The following EXOC5 variants were observed in gnomAD, a reference collection of about 807,000 sequenced individuals.
EXOC5 encodes the protein SEC10-like 1.
EXOC5 carries 17 observed loss-of-function variants against 90.8 expected under a neutral mutation model. The observed-to-expected ratio is 0.19, with a 90% CI of 0.13 to 0.28. EXOC5 has a LOEUF of 0.28. EXOC5 is among the 10% of genes least tolerant of loss of function. EXOC5 has a pLI of 1.00. For synonymous variants in EXOC5, 260 were observed against 270.0 expected, an observed-to-expected ratio of 0.96 and a Z score of 0.36; for missense variants, 569 against 830.6, an observed-to-expected ratio of 0.69 and a Z score of 3.87.
At chr14:57,233,648 A>G (rs1193340223) in intron 9 of EXOC5, 95 bp downstream of exon 9, 3 of 746,036 alleles carry the variant, frequency 4.0e-6, no homozygotes, top group Non-Finnish European at 4.3e-6. Context: ...AGGTCATTAC[A>G]TAAGTAAACT....
At chr14:57,240,782 T>C (rs536610497) in intron 4 of EXOC5, among the ~76,000 whole-genome samples, 1 of 152,342 alleles carries the variant, frequency 6.6e-6, no homozygotes, top group South Asian at 2.1e-4. Context: ...ATTCATTTTC[T>C]TTTACATTTG....
chr14:57,242,679 T>C (rs1343708491), intron 4 of EXOC5, among the ~76,000 whole-genome samples: 1 of 152,232 alleles, frequency 6.6e-6, no homozygotes, highest in East Asian at 1.9e-4. Context: ...TGGGTGCTTT[T>C]TCCTTTTCTT....
chr14:57,241,131 G>A lies in EXOC5; in HGVS notation c.466-1472C>T, dbSNP rs1317156549. ...GGCTTTCCAAAGTGCTGGGATTACA[G>A]GCTTGAGACACCACGCCCTGCCCAA... is the stretch of plus-strand genomic sequence containing the variant. On this transcript the variant is annotated intron_variant, in intron 4 of 17. Transcript: ENST00000621441. Among the ~76,000 whole-genome samples the A allele has an allele frequency of 2.0e-5, 3 of 152,180 alleles. No individual in the cohort carries two copies. In the East Asian group the frequency reaches 5.8e-4, roughly 29 times the overall value.
At chr14:57,249,478 T>C (rs1031325798) in intron 1 of EXOC5, among the ~76,000 whole-genome samples, 3 of 152,172 alleles carry the variant, frequency 2.0e-5, no homozygotes, top group Non-Finnish European at 2.9e-5. Flanking sequence ...ATAGCAGGTA[T>C]TTACTGACAA....
At chr14:57,228,333 C>T (rs747813516) in intron 12 of EXOC5, among the ~76,000 whole-genome samples, 7 of 152,058 alleles carry the variant, frequency 4.6e-5, no homozygotes, top group Non-Finnish European at 8.8e-5. Flanking sequence ...TACCATTTGA[C>T]CCAGCAATCT....
At chr14:57,216,144 T>C (rs947818995) in intron 15 of EXOC5, among the ~76,000 whole-genome samples, 6 of 152,052 alleles carry the variant, frequency 3.9e-5, no homozygotes, top group Non-Finnish European at 5.9e-5. Flanking sequence ...CCATAGAACA[T>C]TGCCAAAAGA....
chr14:57,252,372 G>GA (rs751628942), intron 1 of EXOC5, among the ~76,000 whole-genome samples: 8 of 152,064 alleles, frequency 5.3e-5, no homozygotes, highest in Non-Finnish European at 8.8e-5. Context: ...CAGAACAGGA[G>GA]AAAATATCTA....
intron 1 of EXOC5, among the ~76,000 whole-genome samples, chr14:57,264,992 T>C (rs1418711472): frequency 6.6e-6 from 1 of 152,086 alleles, no homozygotes; most frequent in Non-Finnish European, 1.5e-5. Context: ...AAAAGTCTCT[T>C]TAAAAAAGAA....
intron 8 of EXOC5, 23 bp downstream of exon 8, chr14:57,233,965 A>C (rs1208172143): frequency 6.3e-7 from 1 of 1,595,984 alleles, no homozygotes; most frequent in Non-Finnish European, 8.6e-7. Flanking sequence ...AATAATATCC[A>C]ACAAAGTGTA....
Position 57,234,510 on chromosome 14 carries a change from C to CGTGTGTGT in EXOC5, c.670-486_670-479dup, listed in dbSNP as rs375548706. Among the ~76,000 whole-genome samples the CGTGTGTGT allele has an allele frequency of 2.2e-3, 289 of 130,604 alleles. 2 individuals carry two copies. The highest frequency in any genetic ancestry group is 4.3e-3 in the Middle Eastern group (1 of 234). 85.7% of individuals were successfully genotyped at this position (130,604 alleles called of 152,430 possible). A position where few individuals can be genotyped will look rare whatever the true frequency, so the allele number is the denominator to read the frequency against. On this transcript the variant is annotated intron_variant, in intron 7 of 17. Coordinates refer to ENST00000621441, the MANE Select transcript of EXOC5 (RefSeq NM_006544.4). ...ATATATATTAAAGTGTGTATATATA[C>CGTGTGTGT]GTGTGTGTGTGTGTGTGTGTGTGTG...
At chr14:57,215,267 C>A (rs544964143) in intron 15 of EXOC5, among the ~76,000 whole-genome samples, 103 of 152,024 alleles carry the variant, frequency 6.8e-4, no homozygotes, top group African/African-American at 2.4e-3. Context: ...TAACACCAAT[C>A]GTTCTCAAAC....
chr14:57,205,209 T>C lies in EXOC5; in HGVS notation c.*3400A>G, dbSNP rs1882614539. 1 of 152,038 alleles carries C rather than the reference T, an allele frequency of 6.6e-6. No homozygotes were observed. The highest frequency in any genetic ancestry group is 1.5e-5 in the Non-Finnish European group (1 of 67,928). 9.4% of individuals were successfully genotyped at this position (152,038 alleles called of 1,614,324 possible). ...TTATCTTTATTATGCAGCAAAATTT[T>C]TTAAATTGCTAACTTTTAACTTCAT... is the stretch of plus-strand genomic sequence containing the variant. On this transcript the variant is annotated 3_prime_UTR_variant, in exon 18 of 18. Coordinates refer to ENST00000621441, the MANE Select transcript of EXOC5 (RefSeq NM_006544.4).
chr14:57,266,017 T>C lies in EXOC5; in HGVS notation c.27+2605A>G, dbSNP rs997155225. 3.3e-5 allele frequency among the ~76,000 whole-genome samples: 5 copies of C among 152,218 alleles called. No homozygotes were observed. The East Asian group carries it at 7.7e-4, about 23-fold the overall frequency. ...ATTTTGTTATATGAAGTTGTTTTCATTGAGAGTCATGGGACCAATAAGATT... is the reference window on the plus strand; with the variant it reads ...ATTTTGTTATATGAAGTTGTTTTCACTGAGAGTCATGGGACCAATAAGATT... On this transcript the variant is annotated intron_variant, in intron 1 of 17. Transcript: ENST00000621441.
intron 1 of EXOC5, among the ~76,000 whole-genome samples, chr14:57,263,402 C>A (rs750283000): frequency 6.6e-6 from 1 of 151,326 alleles, no homozygotes; most frequent in Non-Finnish European, 1.5e-5. Context: ...CCTAGGAGGT[C>A]GACGCTGCAG....
chr14:57,250,479 T>G (rs1884158292), intron 1 of EXOC5, among the ~76,000 whole-genome samples: 1 of 152,148 alleles, frequency 6.6e-6, no homozygotes, highest in South Asian at 2.1e-4. Context: ...TTTAGTACAC[T>G]AAGGAAAGAA....
intron 10 of EXOC5, chr14:57,232,044 C>T: frequency 4.8e-6 from 1 of 209,816 alleles, no homozygotes. Flanking sequence ...GGACCCAAAA[C>T]AGAGTACTGA....
chr14:57,251,621 A>G (rs1283677747), intron 1 of EXOC5, among the ~76,000 whole-genome samples: 1 of 152,120 alleles, frequency 6.6e-6, no homozygotes, highest in Non-Finnish European at 1.5e-5. Flanking sequence ...TTAAGTTATT[A>G]GAAAAAGAAG....
intron 4 of EXOC5, chr14:57,243,465 A>G (rs1209890980): frequency 6.6e-6 from 1 of 152,244 alleles, no homozygotes; most frequent in African/African-American, 2.4e-5. Context: ...ACTGTATTCA[A>G]TATGAGTGGA....
rs1216761951 is a variant in EXOC5, at chr14:57,228,794, G to A, written c.1296+940C>T. 3.4e-5 allele frequency among the ~76,000 whole-genome samples: 5 copies of A among 149,094 alleles called. No homozygotes were observed. In the Admixed American group the frequency reaches 3.4e-4, roughly 10 times the overall value. ...TGGGTGCAGCAAACCACCATGGCACGTGTATACCTATGTAACAAACCTGCA... is the reference window on the plus strand; with the variant it reads ...TGGGTGCAGCAAACCACCATGGCACATGTATACCTATGTAACAAACCTGCA... On this transcript the variant is annotated intron_variant, in intron 12 of 17. Transcript: ENST00000621441.
Sources: gnomAD v4.1 joint callset for allele counts (sites outside exome capture counted in the v4.1 genomes callset) on GRCh38, gnomAD v4.1.1 for gene constraint, MANE v1.5 for transcripts, NCBI Gene and HGNC (gene_info 2026-07-23, HGNC 2026-07-21) for gene names.